ZNF248: variants seen among roughly 807,000 people sequenced by gnomAD.
ZNF248 encodes KRAB protein domain.
In ZNF248, 20 loss-of-function variants were observed where a neutral mutation model predicts 44.3. The observed-to-expected ratio is 0.45, with a 90% CI of 0.32 to 0.66. ZNF248 has a LOEUF of 0.66. Among genes scored for constraint, ZNF248 ranks in the 30% least tolerant of loss-of-function variants. ZNF248 has a pLI of 0.04. For synonymous variants in ZNF248, 224 were observed against 229.0 expected (o/e 0.98, Z 0.20); for missense variants, 654 against 677.0 (o/e 0.97, Z 0.38).
chr10:37,843,301 T>C (rs902849242), intron 3 of ZNF248, among the ~76,000 whole-genome samples: 5 of 151,744 alleles, frequency 3.3e-5, no homozygotes, highest in African/African-American at 1.2e-4. Context: ...GGCGCATGCC[T>C]GTAGTCCCAG....
Position 37,831,656 on chromosome 10 carries a change from G to T in ZNF248, c.1699C>A (p.Gln567Lys). The T allele has an allele frequency of 2.5e-6, 4 of 1,613,930 alleles. No homozygotes were observed. The highest frequency in any genetic ancestry group is 3.4e-6 in the Non-Finnish European group (4 of 1,179,868). The change falls in exon 6 of 6, where the codon CAG (glutamine) becomes AAG (lysine). Residue 567 changes from glutamine to lysine, a missense_variant. Physicochemically the swap from Gln to Lys is moderately conservative, Grantham distance 53. Transcript: ENST00000395867. ...FSQRSVLTKH[Q>K]RIHTRVKALS... ...GCTTTCACCCTTGTGTGAATTCTCT[G>T]ATGTTTGGTGAGCACTGACCTCTGA... is the stretch of plus-strand genomic sequence containing the variant.
At chr10:37,842,159 T>C (rs371370555) in intron 3 of ZNF248, among the ~76,000 whole-genome samples, 10 of 152,248 alleles carry the variant, frequency 6.6e-5, no homozygotes, top group South Asian at 4.1e-4. Context: ...ACTACTGTCT[T>C]CACAACTTTT....
chr10:37,768,264 C>A, the ZNF248 span, among the ~76,000 whole-genome samples: 1 of 152,098 alleles, frequency 6.6e-6, no homozygotes, highest in African/African-American at 2.4e-5. Flanking sequence ...CTCAGCTCTG[C>A]ACCAAGCAGA....
chr10:37,760,008 T>C, the ZNF248 span, among the ~76,000 whole-genome samples: 1 of 152,186 alleles, frequency 6.6e-6, no homozygotes, highest in South Asian at 2.1e-4. Context: ...AGCAGAGCTG[T>C]CCAGAAGAGG....
rs372834643 is a variant in ZNF248 at position 37,853,662 on chromosome 10, G to A, written c.15+2634C>T. Among the ~76,000 whole-genome samples, 10 of 152,138 alleles carry A rather than the reference G, an allele frequency of 6.6e-5. No individual in the cohort carries two copies. In the East Asian group the frequency reaches 9.7e-4, roughly 15 times the overall value. On this transcript the variant is annotated intron_variant, in intron 3 of 5. Transcript: ENST00000395867. ...CCCAAAGTGCTGGGATTACAGGCAGGAGCCACGGTGCCCGGCCACCGGAAT... is the reference window on the plus strand; with the variant it reads ...CCCAAAGTGCTGGGATTACAGGCAGAAGCCACGGTGCCCGGCCACCGGAAT...
chr10:37,813,624 T>G (rs76433399), intron 6 of ZNF248, among the ~76,000 whole-genome samples: 2,001 of 152,310 alleles, frequency 0.013, 40 homozygotes, highest in African/African-American at 0.046. Flanking sequence ...CCTTACTTTA[T>G]TCTAAGAATA....
At chr10:37,828,723 G>A, downstream of ZNF248, 21 of 985,346 alleles carry the variant, frequency 2.1e-5, no homozygotes, top group Non-Finnish European at 2.4e-5. Context: ...TAATAAAAAT[G>A]TATCAAACTA....
chr10:37,769,800 G>T, the ZNF248 span, among the ~76,000 whole-genome samples: 9 of 152,142 alleles, frequency 5.9e-5, no homozygotes, highest in Non-Finnish European at 1.2e-4. Flanking sequence ...AGAAAATAAA[G>T]GGTATTCAAT....
intron 6 of ZNF248, among the ~76,000 whole-genome samples, chr10:37,822,661 C>T (rs1486298708): frequency 6.6e-6 from 1 of 151,262 alleles, no homozygotes; most frequent in Non-Finnish European, 1.5e-5. Context: ...CAGGGGTGTC[C>T]AATCTTTTGT....
intron 6 of ZNF248, among the ~76,000 whole-genome samples, chr10:37,792,455 C>T (rs1340564776): frequency 6.6e-6 from 1 of 152,160 alleles, no homozygotes; most frequent in African/African-American, 2.4e-5. Flanking sequence ...ATCCCCACTC[C>T]AAGGGGTGAA....
At chr10:37,760,395 T>C in the ZNF248 span, among the ~76,000 whole-genome samples, 1 of 152,124 alleles carries the variant, frequency 6.6e-6, no homozygotes, top group Non-Finnish European at 1.5e-5. Context: ...CAGGCCCAGA[T>C]AATTTTCTGT....
chr10:37,839,243 G>A (rs1343600635), intron 3 of ZNF248, among the ~76,000 whole-genome samples: 1 of 152,158 alleles, frequency 6.6e-6, no homozygotes, highest in Non-Finnish European at 1.5e-5. Context: ...CATTGCTAGA[G>A]GAGTTAAGTG....
the ZNF248 span, among the ~76,000 whole-genome samples, chr10:37,767,229 A>G: frequency 2.0e-5 from 3 of 152,198 alleles, no homozygotes; most frequent in African/African-American, 7.2e-5. Flanking sequence ...AACTTCCCCA[A>G]TCTAACAAGG....
intron 6 of ZNF248, among the ~76,000 whole-genome samples, chr10:37,778,891 C>G (rs528961227): frequency 6.6e-6 from 1 of 152,054 alleles, no homozygotes; most frequent in Non-Finnish European, 1.5e-5. Flanking sequence ...AACACCTCTA[C>G]GCAAATAAAC....
chr10:37,820,470 G>A (rs1148276), intron 6 of ZNF248: 2 of 1,594,368 alleles, frequency 1.3e-6, no homozygotes, highest in African/African-American at 2.7e-5. Flanking sequence ...CAGAGGGGCT[G>A]TTCTACTTGT....
chr10:37,825,273 T>G (rs1197426002), downstream of ZNF248, among the ~76,000 whole-genome samples: 1 of 152,112 alleles, frequency 6.6e-6, no homozygotes, highest in Non-Finnish European at 1.5e-5. Flanking sequence ...AAGCCAACAT[T>G]AAGAAAGTGA....
intron 6 of ZNF248, among the ~76,000 whole-genome samples, chr10:37,780,760 A>G (rs955225945): frequency 6.6e-6 from 1 of 151,546 alleles, no homozygotes; most frequent in Admixed American, 6.6e-5. Context: ...TCACAGGGAC[A>G]CCCCGCCCCC....
intron 6 of ZNF248, among the ~76,000 whole-genome samples, chr10:37,818,401 G>A (rs2052897372): frequency 1.3e-5 from 2 of 152,160 alleles, no homozygotes; most frequent in African/African-American, 2.4e-5. Context: ...CTTTTCCTAT[G>A]AGGCCTGGCT....
the ZNF248 span, among the ~76,000 whole-genome samples, chr10:37,767,903 T>C: frequency 4.6e-5 from 7 of 152,074 alleles, no homozygotes; most frequent in South Asian, 2.1e-4. Flanking sequence ...GAGACACACA[T>C]AGGCTCAAAA....
Sources: gnomAD v4.1 joint callset for allele counts (sites outside exome capture counted in the v4.1 genomes callset) on GRCh38, gnomAD v4.1.1 for gene constraint, MANE v1.5 for transcripts, NCBI Gene and HGNC (gene_info 2026-07-23, HGNC 2026-07-21) for gene names.